Variants in TRUB2 observed in about 807,000 individuals in gnomAD.
TRUB2 encodes TruB pseudouridine synthase family member 2.
In TRUB2, 31 loss-of-function variants were observed where a neutral mutation model predicts 31.9. That is an observed-to-expected ratio of 0.97 (90% CI 0.73 to 1.31). TRUB2 has a LOEUF of 1.31. Among genes scored for constraint, TRUB2 ranks in the 50% most tolerant of loss-of-function variants. TRUB2 has a pLI of 0.00. For synonymous variants in TRUB2, 201 were observed against 182.6 expected (o/e 1.10, Z -0.81); for missense variants, 451 against 439.6 (o/e 1.03, Z -0.23).
At chr9:128,316,073 G>T (rs144672641) in intron 3 of TRUB2, among the ~76,000 whole-genome samples, 9 of 152,242 alleles carry the variant, frequency 5.9e-5, no homozygotes, top group African/African-American at 1.9e-4. Context: ...AACTTTGGGA[G>T]GCCGAGGCAG....
At chr9:128,319,702 G>A (rs958334777) in intron 2 of TRUB2, among the ~76,000 whole-genome samples, 21 of 147,196 alleles carry the variant, frequency 1.4e-4, no homozygotes, top group Non-Finnish European at 2.9e-4. Flanking sequence ...GCAGTGGCAC[G>A]ATCATGGCTC....
chr9:128,316,380 A>C (rs918294401), intron 3 of TRUB2: 5 of 152,028 alleles, frequency 3.3e-5, no homozygotes, highest in African/African-American at 1.2e-4. Flanking sequence ...GAGACAGAGC[A>C]AGACTCTGTC....
chr9:128,313,467 T>C (rs1239246946), intron 5 of TRUB2, among the ~76,000 whole-genome samples: 2 of 121,426 alleles, frequency 1.6e-5, no homozygotes, highest in Non-Finnish European at 3.3e-5. Context: ...ACCCGGGAGG[T>C]GGTGCTTGCA....
rs184300698 is a variant in TRUB2, at chr9:128,308,522, A to C, written c.*1028T>G. The C allele has an allele frequency of 6.6e-6, 1 of 151,972 alleles. No homozygotes were observed. Among genetic ancestry groups the C allele is most frequent in the Non-Finnish European group, 1.5e-5 (1 of 68,014 alleles). 9.4% of individuals were successfully genotyped at this position (151,972 alleles called of 1,614,324 possible). The stretch of plus-strand genomic sequence containing the variant: ...GCACTCCAGCCTGGGCCACAAAGCA[A>C]GTCTCAAAAACAAAAACAAAAACAA... On this transcript the variant is annotated 3_prime_UTR_variant, in exon 8 of 8. Coordinates refer to ENST00000372890, the MANE Select transcript of TRUB2 (RefSeq NM_015679.3).
chr9:128,322,436 C>T lies in TRUB2; in HGVS notation c.-28G>A, dbSNP rs1360985951. ...TTGAAGATCACAGCACCCGCTGGAC[C>T]TGGACGGAAGTACCGCCAGGCCCCG... On this transcript the variant is annotated 5_prime_UTR_variant, in exon 1 of 8. Transcript: ENST00000372890. 6.2e-7 allele frequency: 1 copy of T among 1,611,624 alleles called. No individual in the cohort carries two copies. Among genetic ancestry groups the T allele is most frequent in the Non-Finnish European group, 8.5e-7 (1 of 1,178,064 alleles).
chr9:128,309,707 T>C lies in TRUB2; in HGVS notation c.839A>G (p.Gln280Arg). The C allele has an allele frequency of 6.2e-7, 1 of 1,614,256 alleles. No individual in the cohort carries two copies. The highest frequency in any genetic ancestry group is 8.5e-7 in the Non-Finnish European group (1 of 1,180,050). ...AGGGGTAGCAGCCCGGATAGCATCC[T>C]GGATGTTGGTTAGGTCCCACTGGGT... ...LRTQWDLTNI[Q>R]DAIRAATPQV... The change falls in exon 8 of 8, where the codon CAG becomes CGG. Residue 280 changes from glutamine (Q) to arginine (R), a missense_variant. Gln to Arg is a conservative substitution (Grantham distance 43, BLOSUM62 1). Transcript: ENST00000372890.
chr9:128,317,113 G>C (rs1279545119), intron 3 of TRUB2, 39 bp downstream of exon 3: 1 of 1,536,692 alleles, frequency 6.5e-7, no homozygotes, highest in East Asian at 2.4e-5. Context: ...CTTTTCTCAA[G>C]CCTTATCACT....
intron 2 of TRUB2, among the ~76,000 whole-genome samples, chr9:128,320,419 G>A (rs552972430): frequency 4.3e-4 from 65 of 151,190 alleles, no homozygotes; most frequent in African/African-American, 1.6e-3. Context: ...CGCAACCTCC[G>A]ACTCCCGGGT....
rs1255145906 is a variant in TRUB2, at chr9:128,317,144, T to C, written c.316+8A>G. On this transcript the variant is annotated splice_region_variant and intron_variant, in intron 3 of 7. Coordinates refer to ENST00000372890, the MANE Select transcript of TRUB2 (RefSeq NM_015679.3). Reference sequence around the variant, plus strand: ...TCACTGTACCCCCAGGCTTCTCACATCACCTACCAAGTACTCCAGAAGCCT... The same window carrying C: ...TCACTGTACCCCCAGGCTTCTCACACCACCTACCAAGTACTCCAGAAGCCT... 6.4e-7 allele frequency: 1 copy of C among 1,571,250 alleles called. No homozygotes were observed. Among genetic ancestry groups the C allele is most frequent in the South Asian group, 1.2e-5 (1 of 85,942 alleles).
chr9:128,309,528 G>A lies in TRUB2; in HGVS notation c.*22C>T. 4 of 1,593,646 alleles carry A rather than the reference G, an allele frequency of 2.5e-6. No homozygotes were observed. Among genetic ancestry groups the A allele is most frequent in the Non-Finnish European group, 3.4e-6 (4 of 1,166,640 alleles). ...CAGTTCTTCTATTTATCCATCCACT[G>A]CCCCAGGAGCTGCCTGGGCATTCAC... On this transcript the variant is annotated 3_prime_UTR_variant, in exon 8 of 8. Transcript: ENST00000372890.
At chr9:128,310,509 G>A (rs1045066697) in intron 7 of TRUB2, among the ~76,000 whole-genome samples, 1 of 151,868 alleles carries the variant, frequency 6.6e-6, no homozygotes, top group East Asian at 1.9e-4. Context: ...AGAGACAAAA[G>A]GAACACAGAT....
In TRUB2 at chr9:128,310,890, A is replaced by C; in HGVS notation, c.667T>G (p.Leu223Val). ...CLYFAPPEFL[L>V]EVQCMHETQK... ...CCAACTTCCTTGGCCAACCTACCTA[A>C]GAGGAATTCCGGAGGTGCAAAGTAG... The change falls in exon 7 of 8, where the codon TTA (leucine) becomes GTA (valine). Residue 223 changes from leucine (L) to valine (V), a missense_variant. Physicochemically the swap from Leu to Val is conservative, Grantham distance 32. Coordinates refer to ENST00000372890, the MANE Select transcript of TRUB2 (RefSeq NM_015679.3). 6.2e-7 allele frequency: 1 copy of C among 1,614,132 alleles called. No individual in the cohort carries two copies. The highest frequency in any genetic ancestry group is 8.5e-7 in the Non-Finnish European group (1 of 1,179,990).
intron 2 of TRUB2, among the ~76,000 whole-genome samples, chr9:128,321,159 G>A (rs1832165788): frequency 6.6e-6 from 1 of 151,272 alleles, no homozygotes; most frequent in African/African-American, 2.5e-5. Context: ...TAGGTGCACA[G>A]CAAATTCAAG....
Position 128,311,563 on chromosome 9 carries a change from C to T in TRUB2, c.499G>A (p.Val167Ile), listed in dbSNP as rs756089452. Residue 167 changes from valine (V) to isoleucine (I), a missense_variant, in exon 6 of 8, where the codon GTT (valine) becomes ATT (isoleucine). Val to Ile is a conservative substitution (Grantham distance 29, BLOSUM62 3). Transcript: ENST00000372890. ...TREKLDRILAVIQGSHQKALV... is the reference protein window; with the variant it reads ...TREKLDRILAIIQGSHQKALV... ...GCCTTCTGATGGGAGCCTTGGATAA[C>T]GGCCAGAATGCGGTCCAGCTTCTCT... 6 of 1,613,968 alleles carry T rather than the reference C, an allele frequency of 3.7e-6. No homozygotes were observed. Among genetic ancestry groups the T allele is most frequent in the Admixed American group, 1.7e-5 (1 of 59,976 alleles).
At chr9:128,320,628 G>C (rs1456786817) in intron 2 of TRUB2, among the ~76,000 whole-genome samples, 1 of 151,802 alleles carries the variant, frequency 6.6e-6, no homozygotes, top group Admixed American at 6.6e-5. Context: ...CACTGCACCC[G>C]GCCTTTTGTA....
intron 2 of TRUB2, among the ~76,000 whole-genome samples, chr9:128,320,458 G>A (rs1832145227): frequency 1.3e-5 from 2 of 151,864 alleles, no homozygotes; most frequent in Non-Finnish European, 2.9e-5. Flanking sequence ...TCAGCCTCCT[G>A]AGAACCTGGG....
intron 3 of TRUB2, chr9:128,315,896 C>A: frequency 2.0e-6 from 1 of 494,556 alleles, no homozygotes; most frequent in South Asian, 2.2e-5. Context: ...GATTCTGACA[C>A]CTGAGAGGAA....
At chr9:128,321,804 G>A in intron 1 of TRUB2, 74 bp from the exon 2 acceptor site, 5 of 1,476,760 alleles carry the variant, frequency 3.4e-6, no homozygotes, top group Non-Finnish European at 4.6e-6. Flanking sequence ...TTAAGAGACA[G>A]GGCCTCGTTC....
chr9:128,316,837 C>T (rs1255006140), intron 3 of TRUB2: 2 of 286,174 alleles, frequency 7.0e-6, no homozygotes, highest in Non-Finnish European at 1.3e-5. Flanking sequence ...TCACCTAAAT[C>T]CTACTTTCTT....
Sources: allele counts gnomAD v4.1 joint callset (sites outside exome capture counted in the v4.1 genomes callset), GRCh38; gene constraint gnomAD v4.1.1; transcripts MANE v1.5; gene names NCBI Gene and HGNC (gene_info 2026-07-23, HGNC 2026-07-21).